CELF2: variants seen among roughly 807,000 people sequenced by gnomAD.
CELF2 encodes CUGBP Elav-like family member 2.
CELF2 carries 8 observed loss-of-function variants against 62.6 expected under a neutral mutation model. The observed-to-expected ratio is 0.13, with a 90% CI of 0.07 to 0.23. The LOEUF (loss-of-function observed/expected upper bound fraction) is 0.23. Among genes scored for constraint, CELF2 ranks in the 10% least tolerant of loss-of-function variants. The pLI is 1.00. For missense variants in CELF2, 333 were observed against 671.0 expected (o/e 0.50, Z 5.56); for synonymous variants, 258 against 250.0 (o/e 1.03, Z -0.30).
intron 1 of CELF2, among the ~76,000 whole-genome samples, chr10:10,852,821 G>A (rs1051714881): frequency 6.6e-6 from 1 of 152,172 alleles, no homozygotes; most frequent in Non-Finnish European, 1.5e-5. Context: ...AGACAACAGC[G>A]TGAGATAAGA....
intron 1 of CELF2, among the ~76,000 whole-genome samples, chr10:10,801,032 C>T (rs983256106): frequency 1.1e-4 from 16 of 151,718 alleles, no homozygotes; most frequent in African/African-American, 3.6e-4. Context: ...GTATCGCCCC[C>T]AAAGGCATTT....
intron 1 of CELF2, among the ~76,000 whole-genome samples, chr10:11,086,364 G>A (rs1239976155): frequency 6.6e-6 from 1 of 151,948 alleles, no homozygotes; most frequent in Non-Finnish European, 1.5e-5. Flanking sequence ...CTGCGTCTTT[G>A]TGTCTGCTCC....
upstream of CELF2, among the ~76,000 whole-genome samples, chr10:10,794,235 A>G (rs894129451): frequency 1.3e-5 from 2 of 152,158 alleles, no homozygotes; most frequent in African/African-American, 4.8e-5. Flanking sequence ...GCACGTTAAC[A>G]AGATCGGGAA....
At chr10:11,173,667 T>C (rs2069813592) in intron 2 of CELF2, among the ~76,000 whole-genome samples, 1 of 152,206 alleles carries the variant, frequency 6.6e-6, no homozygotes, top group Non-Finnish European at 1.5e-5. Context: ...TCTAACCTCA[T>C]CATAATTTCA....
intron 1 of CELF2, among the ~76,000 whole-genome samples, chr10:11,029,591 C>T (rs2059787750): frequency 6.6e-6 from 1 of 152,204 alleles, no homozygotes. Flanking sequence ...TCTCATCACA[C>T]AGCACTTTGC....
intron 1 of CELF2, among the ~76,000 whole-genome samples, chr10:10,825,583 G>C (rs1005652560): frequency 6.6e-6 from 1 of 152,200 alleles, no homozygotes; most frequent in Non-Finnish European, 1.5e-5. Context: ...TAATGGTAAA[G>C]CTAATATTTG....
intron 1 of CELF2, among the ~76,000 whole-genome samples, chr10:10,863,349 C>T (rs989238928): frequency 6.6e-5 from 10 of 152,192 alleles, no homozygotes; most frequent in African/African-American, 2.4e-4. Flanking sequence ...ACTAGAGATC[C>T]TACAGATCAG....
At chr10:11,294,329 C>T (rs1003255498) in intron 9 of CELF2, among the ~76,000 whole-genome samples, 1 of 152,196 alleles carries the variant, frequency 6.6e-6, no homozygotes, top group Non-Finnish European at 1.5e-5. Context: ...CCTGCCCACA[C>T]TGCTTACATA....
chr10:10,798,776 G>A (rs1018027354), exon 1 of CELF2: 7 of 398,678 alleles, frequency 1.8e-5, no homozygotes, highest in Admixed American at 4.4e-5. Flanking sequence ...TGGTTTCCTT[G>A]GTCTCTGACT....
At position 11,297,806 on chromosome 10, in the gene CELF2, C is replaced by G. The variant is rs557016844; in HGVS notation, c.976+9254C>G. Among the ~76,000 whole-genome samples, 1 of 152,002 alleles carries G rather than the reference C, an allele frequency of 6.6e-6. No homozygotes were observed. The highest frequency in any genetic ancestry group is 1.5e-5 in the Non-Finnish European group (1 of 67,992). On this transcript the variant is annotated intron_variant, in intron 9 of 12. Coordinates refer to ENST00000633077, the MANE Select transcript of CELF2 (RefSeq NM_001326342.2). This position sits in a 1 kb window ranked among gnomAD's most constrained non-coding sequence, Gnocchi z 4.4. The stretch of plus-strand genomic sequence containing the variant: ...GACCAGCCTGGCCAACATGGTGAAA[C>G]CCTGTCTATACTAAAAATACAAAAA...
At chr10:11,052,676 G>A (rs573841616) in intron 1 of CELF2, among the ~76,000 whole-genome samples, 13 of 152,204 alleles carry the variant, frequency 8.5e-5, no homozygotes, top group Non-Finnish European at 1.6e-4. Flanking sequence ...TTCTCTGACG[G>A]TAACCTTGTA....
upstream of CELF2, among the ~76,000 whole-genome samples, chr10:11,017,058 A>G (rs757299110): frequency 3.3e-5 from 5 of 152,228 alleles, no homozygotes; most frequent in Non-Finnish European, 5.9e-5. The surrounding 1 kb of genome is among the most constrained non-coding windows in gnomAD (Gnocchi z 5.5). Flanking sequence ...TTAGAAACGA[A>G]TTAGTTTTCC....
intron 2 of CELF2, among the ~76,000 whole-genome samples, chr10:11,205,130 T>C (rs1476876320): frequency 1.3e-5 from 2 of 152,220 alleles, no homozygotes; most frequent in Non-Finnish European, 2.9e-5. Flanking sequence ...TCAAAGGCCA[T>C]GCGAATGGGT....
Position 10,972,746 on chromosome 10 carries a change from G to A in CELF2, c.89+52747G>A, listed in dbSNP as rs558800364. Among the ~76,000 whole-genome samples the A allele has an allele frequency of 3.5e-4, 53 of 152,194 alleles. No individual in the cohort carries two copies. The highest frequency in any genetic ancestry group is 1.2e-3 in the African/African-American group (49 of 41,534). On this transcript the variant is annotated intron_variant, in intron 2 of 13. Transcript: ENST00000636488. The surrounding 1 kb of genome is among the most constrained non-coding windows in gnomAD (Gnocchi z 4.4). ...ACGAGCCTCCAACTCACAAGGTCAC[G>A]TCCACTCACACCCTTCCTTTTTGAT...
At chr10:11,048,311 C>T (rs111744283) in intron 1 of CELF2, among the ~76,000 whole-genome samples, 3 of 152,290 alleles carry the variant, frequency 2.0e-5, no homozygotes, top group African/African-American at 4.8e-5. Flanking sequence ...CATTTAGGCT[C>T]TTGCCTCTGC....
intron 2 of CELF2, among the ~76,000 whole-genome samples, chr10:11,212,064 T>A (rs1310255215): frequency 6.6e-6 from 1 of 152,236 alleles, no homozygotes; most frequent in African/African-American, 2.4e-5. Context: ...ACTCTCCACT[T>A]CTGATCCATG....
At chr10:10,482,739 A>G in the CELF2 span, among the ~76,000 whole-genome samples, 2 of 152,094 alleles carry the variant, frequency 1.3e-5, no homozygotes, top group Admixed American at 6.6e-5. Context: ...CTGTGAACAC[A>G]CCTGCCCTGT....
At position 11,217,557 on chromosome 10, in the gene CELF2, TC is replaced by T; in HGVS notation, c.354+52del. ...GAATCACTTTATTGCTTGAAAATGG[TC>T]CTTTCAACTGAAGGTTCTAGTTATG... On this transcript the variant is annotated intron_variant, in intron 3 of 12. Coordinates refer to ENST00000633077, the MANE Select transcript of CELF2 (RefSeq NM_001326342.2). The surrounding 1 kb of genome is among the most constrained non-coding windows in gnomAD (Gnocchi z 5.6). 7.3e-7 allele frequency: 1 copy of T among 1,370,892 alleles called. No individual in the cohort carries two copies. The highest frequency in any genetic ancestry group is 2.3e-5 in the East Asian group (1 of 43,432). 84.9% of individuals were successfully genotyped at this position (1,370,892 alleles called of 1,614,324 possible). A position where few individuals can be genotyped will look rare whatever the true frequency, so the allele number is the denominator to read the frequency against.
intron 9 of CELF2, among the ~76,000 whole-genome samples, chr10:11,308,100 C>T (rs2094358632): frequency 2.6e-5 from 4 of 152,234 alleles, no homozygotes; most frequent in Admixed American, 2.0e-4. Flanking sequence ...TGTCATCTTA[C>T]TAACTTCTCA....
Sources: gnomAD v4.1 joint callset for allele counts (sites outside exome capture counted in the v4.1 genomes callset) on GRCh38, gnomAD v4.1.1 for gene constraint, Gnocchi (gnomAD v3.1) non-coding constraint, MANE v1.5 for transcripts, NCBI Gene and HGNC (gene_info 2026-07-23, HGNC 2026-07-21) for gene names.